Variants in PID1 observed in about 807,000 individuals in gnomAD.
PID1 encodes PTB-containing, cubilin and LRP1-interacting protein.
In PID1, 10 loss-of-function variants were observed where a neutral mutation model predicts 19.1. That is an observed-to-expected ratio of 0.52 (90% confidence interval 0.32 to 0.89). PID1 has a LOEUF of 0.89. PID1 is among the 40% of genes least tolerant of loss of function. The pLI is 0.03. For missense variants in PID1, 248 were observed against 285.3 expected (o/e 0.87, Z 0.94); for synonymous variants, 130 against 116.0 (o/e 1.12, Z -0.78).
At chr2:229,077,993 G>A (rs878918259) in intron 2 of PID1, among the ~76,000 whole-genome samples, 2 of 152,118 alleles carry the variant, frequency 1.3e-5, no homozygotes, top group Non-Finnish European at 2.9e-5. Context: ...CAATTTCCAC[G>A]ATATTGATTC....
At chr2:229,052,741 G>T (rs1008739891) in intron 2 of PID1, among the ~76,000 whole-genome samples, 2 of 152,036 alleles carry the variant, frequency 1.3e-5, no homozygotes, top group Non-Finnish European at 2.9e-5. Context: ...GAAAACTACT[G>T]GAGGCAACTT....
chr2:229,195,391 A>G, intron 1 of PID1, among the ~76,000 whole-genome samples: 1 of 151,866 alleles, frequency 6.6e-6, no homozygotes, highest in East Asian at 1.9e-4. Context: ...ACATGTATAT[A>G]CATATACATA....
intron 1 of PID1, among the ~76,000 whole-genome samples, chr2:229,158,615 A>C (rs1301472872): frequency 6.6e-6 from 1 of 152,200 alleles, no homozygotes; most frequent in Non-Finnish European, 1.5e-5. Context: ...TTAAAAAAAA[A>C]AAGAAAACTA....
intron 1 of PID1, among the ~76,000 whole-genome samples, chr2:229,231,516 A>T (rs1420267597): frequency 6.6e-6 from 1 of 152,058 alleles, no homozygotes; most frequent in African/African-American, 2.4e-5. Flanking sequence ...TGCTCTCTCT[A>T]ATCCTTCAAG....
chr2:229,078,408 C>A (rs1330355634), intron 2 of PID1, among the ~76,000 whole-genome samples: 5 of 152,142 alleles, frequency 3.3e-5, no homozygotes, highest in Admixed American at 6.6e-5. Flanking sequence ...TACCTGATTG[C>A]CCTGGTCAGA....
intron 1 of PID1, among the ~76,000 whole-genome samples, chr2:229,237,892 C>T (rs901453494): frequency 1.3e-5 from 2 of 152,158 alleles, no homozygotes; most frequent in Non-Finnish European, 2.9e-5. Context: ...AATTAATTTA[C>T]ACAGACACAT....
chr2:229,128,123 A>G (rs1574650878), intron 2 of PID1, among the ~76,000 whole-genome samples: 1 of 84,268 alleles, frequency 1.2e-5, no homozygotes, highest in East Asian at 6.8e-4. Flanking sequence ...CCTTCAAGCA[A>G]AGGTAAATGG....
At chr2:229,186,994 T>C (rs1465114729) in intron 1 of PID1, among the ~76,000 whole-genome samples, 1 of 152,164 alleles carries the variant, frequency 6.6e-6, no homozygotes, top group Non-Finnish European at 1.5e-5. Context: ...TCCACAAATC[T>C]CTAGGGCAGG....
chr2:229,109,582 A>G (rs1695252774), intron 2 of PID1, among the ~76,000 whole-genome samples: 1 of 152,202 alleles, frequency 6.6e-6, no homozygotes, highest in Admixed American at 6.5e-5. Flanking sequence ...CTCTGTCAAT[A>G]TAACCCCCAA....
intron 2 of PID1, among the ~76,000 whole-genome samples, chr2:229,028,724 C>T (rs1426697325): frequency 6.6e-6 from 1 of 152,172 alleles, no homozygotes; most frequent in Non-Finnish European, 1.5e-5. Context: ...ACAACATGGA[C>T]ATAGCTGGAG....
At chr2:229,197,709 G>T (rs979796722) in intron 1 of PID1, among the ~76,000 whole-genome samples, 1 of 152,044 alleles carries the variant, frequency 6.6e-6, no homozygotes, top group Admixed American at 6.6e-5. Flanking sequence ...TGAGGTCAAA[G>T]CAATATAATC....
intron 2 of PID1, among the ~76,000 whole-genome samples, chr2:229,113,451 A>C (rs200113642): frequency 5.5e-4 from 17 of 30,930 alleles, no homozygotes; most frequent in Admixed American, 1.0e-3. Flanking sequence ...TACACACACA[A>C]ACACACACAC....
At chr2:229,026,672 T>C (rs1014474543) in intron 2 of PID1, among the ~76,000 whole-genome samples, 1 of 152,238 alleles carries the variant, frequency 6.6e-6, no homozygotes, top group East Asian at 1.9e-4. Context: ...ATAGTTTTCC[T>C]TCCCAAGATA....
intron 1 of PID1, among the ~76,000 whole-genome samples, chr2:229,213,277 G>A (rs529790611): frequency 2.6e-5 from 4 of 152,168 alleles, no homozygotes; most frequent in African/African-American, 9.6e-5. Flanking sequence ...ACAGAGGACA[G>A]CCCACCCCCT....
At chr2:229,026,528 C>A (rs1214035839) in intron 2 of PID1, among the ~76,000 whole-genome samples, 2 of 152,138 alleles carry the variant, frequency 1.3e-5, no homozygotes, top group Admixed American at 1.3e-4. Context: ...GTTGGAAAAA[C>A]AAAATCTTTA....
chr2:229,205,145 G>A lies in PID1; in HGVS notation c.31-49181C>T, dbSNP rs192505319. On this transcript the variant is annotated intron_variant, in intron 1 of 2. Coordinates refer to ENST00000392055, the MANE Select transcript of PID1 (RefSeq NM_001100818.2). Reference sequence around the variant, plus strand: ...AACATAAATGTTTAAAAAGTAGCTAGAATACACATCATTAAATTGCATCCT... The same window carrying A: ...AACATAAATGTTTAAAAAGTAGCTAAAATACACATCATTAAATTGCATCCT... 3.3e-3 allele frequency among the ~76,000 whole-genome samples: 504 copies of A among 152,126 alleles called. 1 individual carries two copies. The highest frequency in any genetic ancestry group is 0.012 in the African/African-American group (487 of 41,510).
At chr2:229,157,529 C>G (rs1690399832) in intron 1 of PID1, among the ~76,000 whole-genome samples, 1 of 151,654 alleles carries the variant, frequency 6.6e-6, no homozygotes, top group Non-Finnish European at 1.5e-5. Flanking sequence ...GGATAAGAAA[C>G]ATACAGTGTG....
At chr2:229,176,963 G>T (rs550039889) in intron 1 of PID1, among the ~76,000 whole-genome samples, 1 of 152,186 alleles carries the variant, frequency 6.6e-6, no homozygotes, top group African/African-American at 2.4e-5. Flanking sequence ...GCAATTTACA[G>T]AAGAAAGAGG....
At chr2:229,143,918 A>C (rs973699775) in intron 2 of PID1, among the ~76,000 whole-genome samples, 1 of 152,078 alleles carries the variant, frequency 6.6e-6, no homozygotes. Context: ...CAAATTACCC[A>C]GTTTCAGGTA....
Sources: allele counts gnomAD v4.1 joint callset (sites outside exome capture counted in the v4.1 genomes callset), GRCh38; gene constraint gnomAD v4.1.1; transcripts MANE v1.5; gene names NCBI Gene and HGNC (gene_info 2026-07-23, HGNC 2026-07-21).